Variants in PRKCA observed in about 807,000 individuals in gnomAD.
The protein encoded by PRKCA is protein kinase C alpha.
PRKCA carries 27 observed loss-of-function variants against 87.0 expected under a neutral mutation model. That is an observed-to-expected ratio of 0.31 (90% CI 0.23 to 0.43). The LOEUF is 0.43. Among genes scored for constraint, PRKCA ranks in the 20% least tolerant of loss-of-function variants. The probability of loss-of-function intolerance (pLI) is 1.00; values close to 1 mark genes in which losing one functional copy is unlikely to be tolerated. For missense variants in PRKCA, 518 were observed against 852.3 expected, an observed-to-expected ratio of 0.61 and a Z score of 4.88; for synonymous variants, 329 against 311.1, an observed-to-expected ratio of 1.06 and a Z score of -0.61.
intron 5 of PRKCA, among the ~76,000 whole-genome samples, chr17:66,661,427 G>A (rs901184670): frequency 8.5e-5 from 13 of 152,180 alleles, no homozygotes; most frequent in African/African-American, 3.1e-4. Context: ...TCAGGAGGAG[G>A]ATGCAGCCAG....
At chr17:66,717,091 C>G (rs2144146239) in intron 8 of PRKCA, among the ~76,000 whole-genome samples, 1 of 152,262 alleles carries the variant, frequency 6.6e-6, no homozygotes, top group Admixed American at 6.5e-5. Context: ...TTAATTGTCG[C>G]TGTTGTGATA....
At chr17:66,534,069 G>A (rs1016095558) in intron 3 of PRKCA, among the ~76,000 whole-genome samples, 4 of 85,302 alleles carry the variant, frequency 4.7e-5, no homozygotes, top group African/African-American at 1.3e-4. Context: ...GCTGCCCCCC[G>A]CACCCCCCCC....
At chr17:66,381,860 A>G (rs1339290373) in intron 2 of PRKCA, among the ~76,000 whole-genome samples, 5 of 151,892 alleles carry the variant, frequency 3.3e-5, no homozygotes, top group Non-Finnish European at 2.9e-5. Flanking sequence ...ATAGGATTTC[A>G]CTCTTGTTTG....
At chr17:66,627,934 A>C (rs1970902967) in intron 3 of PRKCA, among the ~76,000 whole-genome samples, 1 of 152,244 alleles carries the variant, frequency 6.6e-6, no homozygotes, top group African/African-American at 2.4e-5. Context: ...GAAGAGAAGA[A>C]AACCTCAGCT....
At chr17:66,677,094 T>TATTTATTTATTTATTTATTGATTG (rs1251679534) in intron 5 of PRKCA, 1 of 152,018 alleles carries the variant, frequency 6.6e-6, no homozygotes, top group East Asian at 1.9e-4. Flanking sequence ...TTTATTTATT[T>TATTTATTTATTTATTTATTGATTG]ATTGAGACTG....
At position 66,792,670 on chromosome 17, in the gene PRKCA, G is replaced by T. The variant is rs993277500; in HGVS notation, c.1854+3691G>T. On this transcript the variant is annotated intron_variant, in intron 16 of 16. Coordinates refer to ENST00000413366, the MANE Select transcript of PRKCA (RefSeq NM_002737.3). This position sits in a 1 kb window ranked among gnomAD's most constrained non-coding sequence, Gnocchi z 4.5. ...CACGGCGACATTAAGATCAAGATCT[G>T]CAGTACAGCTGTGGGCTGGATTCTG... Among the ~76,000 whole-genome samples, 3 of 152,270 alleles carry T rather than the reference G, an allele frequency of 2.0e-5. No individual in the cohort carries two copies. Among genetic ancestry groups the T allele is most frequent in the Non-Finnish European group, 4.4e-5 (3 of 68,044 alleles).
chr17:66,697,977 A>G (rs1457796518), intron 8 of PRKCA, among the ~76,000 whole-genome samples: 2 of 152,218 alleles, frequency 1.3e-5, no homozygotes, highest in Non-Finnish European at 2.9e-5. Context: ...GCAGGATTGA[A>G]AGAAGGCATG....
At chr17:66,740,326 T>C (rs1974130045) in intron 11 of PRKCA, among the ~76,000 whole-genome samples, 1 of 152,030 alleles carries the variant, frequency 6.6e-6, no homozygotes, top group African/African-American at 2.4e-5. Flanking sequence ...ATCTCACCTC[T>C]CAGGGGCCAG....
intron 3 of PRKCA, among the ~76,000 whole-genome samples, chr17:66,543,561 T>C (rs1968055797): frequency 6.6e-6 from 1 of 152,164 alleles, no homozygotes; most frequent in Non-Finnish European, 1.5e-5. Flanking sequence ...AAGGAAACTC[T>C]CCCAGACTTG....
chr17:66,695,108 G>A (rs541157042), intron 8 of PRKCA, among the ~76,000 whole-genome samples: 54 of 152,082 alleles, frequency 3.6e-4, no homozygotes, highest in Non-Finnish European at 5.9e-4. Context: ...TTTCCTCAGC[G>A]CCCCTTCCTC....
At chr17:66,777,889 G>T in intron 14 of PRKCA, 1 of 985,370 alleles carries the variant, frequency 1.0e-6, no homozygotes, top group African/African-American at 1.7e-5. Flanking sequence ...CCCGCAGCCT[G>T]GCTTCTCCCC....
intron 2 of PRKCA, among the ~76,000 whole-genome samples, chr17:66,347,941 C>CTTTTGTTTTTTTTTT (rs1907496499): frequency 1.8e-5 from 1 of 56,440 alleles, no homozygotes; most frequent in Non-Finnish European, 3.3e-5. Context: ...AATTCTGAAC[C>CTTTTGTTTTTTTTTT]TTTTTTTTTT....
At chr17:66,428,074 T>C (rs949930337) in intron 2 of PRKCA, among the ~76,000 whole-genome samples, 2 of 152,152 alleles carry the variant, frequency 1.3e-5, no homozygotes, top group African/African-American at 4.8e-5. Flanking sequence ...AGCCCCTTAC[T>C]TGTATGATTT....
chr17:66,531,703 C>G (rs986634372), intron 3 of PRKCA, among the ~76,000 whole-genome samples: 4 of 152,192 alleles, frequency 2.6e-5, no homozygotes, highest in African/African-American at 9.7e-5. Flanking sequence ...AAATAAGCCT[C>G]TCTCACCCAT....
chr17:66,685,222 T>C (rs1454501639), intron 5 of PRKCA, among the ~76,000 whole-genome samples: 3 of 152,182 alleles, frequency 2.0e-5, no homozygotes, highest in African/African-American at 4.8e-5. Context: ...CATTATTTTA[T>C]TTGATTCTCC....
chr17:66,478,128 G>A (rs963177789), intron 2 of PRKCA, among the ~76,000 whole-genome samples: 1 of 152,196 alleles, frequency 6.6e-6, no homozygotes, highest in Non-Finnish European at 1.5e-5. Context: ...AAAGGTGTTG[G>A]TAGATAAGAG....
In PRKCA at chr17:66,744,673, G is replaced by A. The variant is rs147084160; in HGVS notation, c.1524+1913G>A. Among the ~76,000 whole-genome samples, 354 of 152,274 alleles carry A rather than the reference G, an allele frequency of 2.3e-3. 4 individuals are homozygous for A. The Middle Eastern group carries it at 0.051, about 22-fold the overall frequency. Reference sequence around the variant, plus strand: ...CGGTTCGGTATCATTCACGGTATGAGTTCCTGTTGCCACTGTAACAGATAA... The same window carrying A: ...CGGTTCGGTATCATTCACGGTATGAATTCCTGTTGCCACTGTAACAGATAA... On this transcript the variant is annotated intron_variant, in intron 13 of 16. Coordinates refer to ENST00000413366, the MANE Select transcript of PRKCA (RefSeq NM_002737.3).
intron 3 of PRKCA, among the ~76,000 whole-genome samples, chr17:66,558,324 T>G (rs1330494595): frequency 6.6e-6 from 1 of 152,240 alleles, no homozygotes; most frequent in Non-Finnish European, 1.5e-5. Context: ...CATTATTTGT[T>G]TAAAGTCACA....
chr17:66,482,098 C>CAAAAAAAAAAAAAAAAAAAA (rs58719328), intron 2 of PRKCA, among the ~76,000 whole-genome samples: 5 of 89,320 alleles, frequency 5.6e-5, no homozygotes, highest in East Asian at 3.0e-4. Flanking sequence ...AAGACTGTCT[C>CAAAAAAAAAAAAAAAAAAAA]AAAAAAAAAA....
Sources: gnomAD v4.1 joint callset for allele counts (sites outside exome capture counted in the v4.1 genomes callset) on GRCh38, gnomAD v4.1.1 for gene constraint, Gnocchi (gnomAD v3.1) non-coding constraint, MANE v1.5 for transcripts, NCBI Gene and HGNC (gene_info 2026-07-23, HGNC 2026-07-21) for gene names.